The following ANAPC1 variants were observed in gnomAD, a reference collection of about 807,000 sequenced individuals.
ANAPC1 encodes the protein anaphase promoting complex subunit 1.
A neutral mutation model predicts 208.0 loss-of-function variants in ANAPC1; 36 were observed. The ratio of observed to expected loss-of-function variants is 0.17; its 90% CI spans 0.13 to 0.23. The LOEUF is 0.23. ANAPC1 is among the 10% of genes least tolerant of loss of function. The pLI, the probability that ANAPC1 is intolerant of heterozygous loss-of-function variation, is 1.00. For synonymous variants in ANAPC1, 378 were observed against 695.2 expected, an observed-to-expected ratio of 0.54 and a Z score of 7.18; for missense variants, 942 against 2,011.6, an observed-to-expected ratio of 0.47 and a Z score of 10.17.
chr2:111,882,751 A>G (rs1683376252), intron 1 of ANAPC1, among the ~76,000 whole-genome samples: 1 of 151,992 alleles, frequency 6.6e-6, no homozygotes, highest in South Asian at 2.1e-4. Context: ...AAAAAAAAAA[A>G]GAAAAGTTAT....
chr2:111,871,915 T>C (rs570049457), intron 6 of ANAPC1, among the ~76,000 whole-genome samples: 192 of 152,282 alleles, frequency 1.3e-3, no homozygotes, highest in African/African-American at 4.5e-3. Flanking sequence ...GTTTTCTAGG[T>C]ATATAATCAT....
chr2:111,869,815 G>A (rs947249419), intron 6 of ANAPC1, among the ~76,000 whole-genome samples: 2 of 152,180 alleles, frequency 1.3e-5, no homozygotes, highest in Admixed American at 1.3e-4. Context: ...CCTGTCACCT[G>A]TGTAGTGTAT....
At chr2:111,853,344 G>A (rs1175304826) in intron 13 of ANAPC1, among the ~76,000 whole-genome samples, 1 of 152,072 alleles carries the variant, frequency 6.6e-6, no homozygotes, top group African/African-American at 2.4e-5. Context: ...GTGGCCTAGT[G>A]GGATTTAAAT....
chr2:111,836,922 C>T (rs569144459), intron 18 of ANAPC1, among the ~76,000 whole-genome samples: 3 of 150,162 alleles, frequency 2.0e-5, no homozygotes, highest in Admixed American at 6.7e-5. Flanking sequence ...GAGCCAAGAT[C>T]GTGCCACTGC....
chr2:111,797,047 G>C (rs920823040), intron 34 of ANAPC1, among the ~76,000 whole-genome samples: 7 of 151,430 alleles, frequency 4.6e-5, no homozygotes, highest in Non-Finnish European at 1.0e-4. Context: ...GTTTTTTGTA[G>C]AGACAGGGTT....
Position 111,876,269 on chromosome 2 carries a change from C to CAA in ANAPC1, c.375+2539_375+2540dup, listed in dbSNP as rs77199811. On this transcript the variant is annotated intron_variant, in intron 3 of 47. Transcript: ENST00000341068. The stretch of plus-strand genomic sequence containing the variant: ...TAAATGAAAAAATAAAAAGAACAAC[C>CAA]AAAAAAAAAATACTTGCAGGATAGG... Among the ~76,000 whole-genome samples, 43 of 149,340 alleles carry CAA rather than the reference C, an allele frequency of 2.9e-4. No homozygotes were observed. The East Asian group carries it at 4.1e-3, about 14-fold the overall frequency.
rs1187970699 is a variant in ANAPC1, at chr2:111,801,479, A to G, written c.4222-608T>C. On this transcript the variant is annotated intron_variant, in intron 33 of 47. Transcript: ENST00000341068. Reference sequence around the variant, plus strand: ...TCAAATTAGCCTATAATTGAGTGAAATTCTCTGTCAGCATAGTAAACTGTA... The same window carrying G: ...TCAAATTAGCCTATAATTGAGTGAAGTTCTCTGTCAGCATAGTAAACTGTA... Among the ~76,000 whole-genome samples, 66 of 119,822 alleles carry G rather than the reference A, an allele frequency of 5.5e-4. 1 individual carries two copies. The Admixed American group carries it at 5.6e-3, about 10-fold the overall frequency. 78.6% of individuals were successfully genotyped at this position (119,822 alleles called of 152,430 possible).
intron 3 of ANAPC1, among the ~76,000 whole-genome samples, chr2:111,875,487 C>T (rs1335789126): frequency 6.6e-6 from 1 of 152,166 alleles, no homozygotes; most frequent in African/African-American, 2.4e-5. Flanking sequence ...TCACTAACCC[C>T]TTCCACATCT....
At position 111,880,722 on chromosome 2, in the gene ANAPC1, A is replaced by T; in HGVS notation, c.104T>A (p.Leu35Ter). 1 of 1,613,994 alleles carries T rather than the reference A, an allele frequency of 6.2e-7. No homozygotes were observed. Among genetic ancestry groups the T allele is most frequent in the African/African-American group, 1.3e-5 (1 of 75,058 alleles). The change falls in exon 2 of 48, where the codon TTG becomes TAG. Residue 35 changes from leucine to a stop codon, truncating the protein, a stop_gained. Coordinates refer to ENST00000341068, the MANE Select transcript of ANAPC1 (RefSeq NM_022662.4). LOFTEE classifies it high-confidence loss of function. ...CTGCAGCTGGCGAAGTTGAAGGTTC[A>T]AAGCATTAGGGTGGTGCTTGCAGTG... ...RDHCKHHPNA[L>*]NLQLRQLQPA...
At chr2:111,875,040 C>T (rs1241579521) in intron 3 of ANAPC1, among the ~76,000 whole-genome samples, 1 of 152,176 alleles carries the variant, frequency 6.6e-6, no homozygotes, top group East Asian at 1.9e-4. Flanking sequence ...ATGTTACATT[C>T]CCATCAGCAA....
chr2:111,815,963 A>T (rs1184893924), intron 27 of ANAPC1, among the ~76,000 whole-genome samples: 1 of 106,806 alleles, frequency 9.4e-6, no homozygotes, highest in African/African-American at 3.2e-5. Context: ...TTTCTTTCAA[A>T]CAGAGAGCTT....
intron 1 of ANAPC1, 170 bp from the exon 2 acceptor site, chr2:111,881,019 A>C: frequency 1.7e-6 from 1 of 590,346 alleles, no homozygotes; most frequent in Admixed American, 3.1e-5. Context: ...TGATTCAGAC[A>C]GTTGCAATTA....
chr2:111,832,937 C>CAAAAAAAAAAAAA (rs908553180), intron 20 of ANAPC1, among the ~76,000 whole-genome samples: 2,695 of 53,358 alleles, frequency 0.051, 539 homozygotes, highest in Middle Eastern at 0.068. Context: ...GACTCAGTCT[C>CAAAAAAAAAAAAA]AAAAAAAAAA....
At chr2:111,777,350 A>AG (rs1677046701) in intron 45 of ANAPC1, among the ~76,000 whole-genome samples, 1 of 152,178 alleles carries the variant, frequency 6.6e-6, no homozygotes, top group Admixed American at 6.5e-5. Context: ...AAAAGGTCAT[A>AG]GCCAGTCACC....
At chr2:111,849,790 G>A (rs553885166) in intron 14 of ANAPC1, among the ~76,000 whole-genome samples, 23 of 151,610 alleles carry the variant, frequency 1.5e-4, no homozygotes, top group African/African-American at 4.8e-4. Context: ...CTCACTTGGA[G>A]GCTAACCGGT....
At position 111,795,213 on chromosome 2, in the gene ANAPC1, C is replaced by T. The variant is rs1214189185; in HGVS notation, c.4297-319G>A. ...CCTGACCAACATGGTGAAACCCCATCTCTATTAAAAATACAAAAATTAGCT... is the reference window on the plus strand; with the variant it reads ...CCTGACCAACATGGTGAAACCCCATTTCTATTAAAAATACAAAAATTAGCT... On this transcript the variant is annotated intron_variant, in intron 34 of 47. Transcript: ENST00000341068. 1.9e-4 allele frequency among the ~76,000 whole-genome samples: 29 copies of T among 152,224 alleles called. No homozygotes were observed. In the Admixed American group the frequency reaches 1.9e-3, roughly 10 times the overall value.
chr2:111,867,654 T>C (rs1272068146), intron 7 of ANAPC1, among the ~76,000 whole-genome samples: 2 of 149,934 alleles, frequency 1.3e-5, no homozygotes, highest in African/African-American at 4.9e-5. Flanking sequence ...ATCACACCAC[T>C]GCACTCCAGC....
chr2:111,845,482 C>A (rs898244926), intron 16 of ANAPC1, among the ~76,000 whole-genome samples: 6 of 151,990 alleles, frequency 3.9e-5, no homozygotes, highest in Admixed American at 2.0e-4. Flanking sequence ...TAAGTGTAAA[C>A]CCAATGCTGC....
At chr2:111,848,193 G>T (rs1484712520) in intron 14 of ANAPC1, among the ~76,000 whole-genome samples, 3 of 152,078 alleles carry the variant, frequency 2.0e-5, no homozygotes, top group South Asian at 4.1e-4. Flanking sequence ...AGCAAACCAA[G>T]GTCCTCACAG....
Sources: allele counts gnomAD v4.1 joint callset (sites outside exome capture counted in the v4.1 genomes callset), GRCh38; gene constraint gnomAD v4.1.1; transcripts MANE v1.5; gene names NCBI Gene and HGNC (gene_info 2026-07-23, HGNC 2026-07-21).